Variants in JAG2 observed in about 807,000 individuals in gnomAD.
JAG2 encodes the protein jagged canonical Notch ligand 2.
Under a neutral mutation model 141.7 loss-of-function variants are expected in JAG2, and 46 were observed. That is an observed-to-expected ratio of 0.32 (90% CI 0.26 to 0.42). The LOEUF is 0.42. JAG2 is among the 10% of genes least tolerant of loss of function. JAG2 has a pLI of 1.00. For missense variants in JAG2, 1,500 were observed against 1,817.5 expected (o/e 0.83, Z 3.18); for synonymous variants, 862 against 763.5 (o/e 1.13, Z -2.13).
At chr14:105,143,393 T>TGGCAGGATC (rs368473093) in intron 25 of JAG2, 89 bp downstream of exon 25, 39 of 1,469,268 alleles carry the variant, frequency 2.7e-5, no homozygotes, top group Middle Eastern at 2.3e-4. Flanking sequence ...TCCTGGTGGC[T>TGGCAGGATC]GGCAGGATCG....
intron 5 of JAG2, among the ~76,000 whole-genome samples, chr14:105,152,604 G>A (rs927464007): frequency 2.7e-5 from 4 of 150,292 alleles, no homozygotes; most frequent in East Asian, 2.0e-4. Context: ...CCGGGACCCC[G>A]GGGATGAGAA....
chr14:105,156,572 G>A (rs587627284), intron 3 of JAG2, among the ~76,000 whole-genome samples: 28 of 151,998 alleles, frequency 1.8e-4, no homozygotes, highest in Admixed American at 5.9e-4. Context: ...AAGCCACCAG[G>A]AGACCAGGGG....
chr14:105,163,127 C>T (rs182303894), intron 2 of JAG2, among the ~76,000 whole-genome samples: 1 of 152,340 alleles, frequency 6.6e-6, no homozygotes, highest in East Asian at 1.9e-4. Flanking sequence ...CCGCATCAGC[C>T]TCCCGCCCCC....
rs745952251 is a variant in JAG2 at position 105,142,902 on chromosome 14, G to A, written c.3510C>T (p.Gly1170=). Residue 1170 remains glycine (G), a synonymous_variant, in exon 26 of 26, where the codon GGC becomes GGT. Coordinates refer to ENST00000331782, the MANE Select transcript of JAG2 (RefSeq NM_002226.5). ...CCTCATCCTCCCTGACGGCCGCGTG[G>A]CCGGCCGGCCCGGGCAGCGCCTCGT... ...RADEALPGPA[G]HAAVREDEED... is the part of the protein sequence containing the mutation. 2 of 1,602,384 alleles carry A rather than the reference G, an allele frequency of 1.2e-6. No individual in the cohort carries two copies. The highest frequency in any genetic ancestry group is 2.7e-5 in the African/African-American group (2 of 74,702).
Position 105,148,454 on chromosome 14 carries a change from G to T in JAG2, c.2021-15C>A. On this transcript the variant is annotated splice_polypyrimidine_tract_variant and intron_variant, in intron 15 of 25. Transcript: ENST00000331782. Reference sequence around the variant, plus strand: ...GTCGTTGGGATCTGGGGGCGAGGACGCCGGTCAGCGGGCGGGGGGTCACCG... The same window carrying T: ...GTCGTTGGGATCTGGGGGCGAGGACTCCGGTCAGCGGGCGGGGGGTCACCG... 1.3e-6 allele frequency: 2 copies of T among 1,596,726 alleles called. No homozygotes were observed. The highest frequency in any genetic ancestry group is 2.7e-5 in the African/African-American group (2 of 74,682).
intron 23 of JAG2, among the ~76,000 whole-genome samples, chr14:105,145,325 G>A (rs1041005607): frequency 1.3e-5 from 2 of 152,188 alleles, no homozygotes; most frequent in African/African-American, 2.4e-5. Context: ...GGCAGGGCGG[G>A]GTACAGTGGG....
intron 5 of JAG2, 31 bp from the exon 6 acceptor site, chr14:105,152,322 G>T: frequency 1.2e-6 from 2 of 1,607,828 alleles, no homozygotes; most frequent in Non-Finnish European, 1.7e-6. Context: ...GCAAGACCCA[G>T]TGAGCTGTGG....
At chr14:105,151,835 C>T (rs367930670) in intron 7 of JAG2, 96 bp from the exon 8 acceptor site, 2 of 1,604,662 alleles carry the variant, frequency 1.2e-6, no homozygotes. Flanking sequence ...AGCTGGGGGT[C>T]AGGGGCCCAC....
Position 105,150,846 on chromosome 14 carries a change from C to T in JAG2, c.1428+19G>A, listed in dbSNP as rs1309129922. The stretch of plus-strand genomic sequence containing the variant: ...GCCCCGCAGCACCCACGCCACACAC[C>T]CTCCTGGCCCCGCCTCACCTTGCAG... On this transcript the variant is annotated intron_variant, in intron 11 of 25. Coordinates refer to ENST00000331782, the MANE Select transcript of JAG2 (RefSeq NM_002226.5). 6.3e-7 allele frequency: 1 copy of T among 1,575,498 alleles called. No homozygotes were observed. The highest frequency in any genetic ancestry group is 1.4e-5 in the African/African-American group (1 of 73,886).
chr14:105,145,621 C>A (rs1299721728), intron 23 of JAG2, 110 bp downstream of exon 23: 11 of 1,394,782 alleles, frequency 7.9e-6, no homozygotes, highest in Non-Finnish European at 1.1e-5. Flanking sequence ...AAGAGTGACT[C>A]TGCTCAGCCA....
At chr14:105,163,968 G>A (rs77349183) in intron 2 of JAG2, among the ~76,000 whole-genome samples, 1,523 of 152,114 alleles carry the variant, frequency 0.01, 56 homozygotes, top group Admixed American at 0.077. Context: ...AGCTCAGGCC[G>A]AAGCCTGGCT....
intron 2 of JAG2, 145 bp from the exon 3 acceptor site, chr14:105,157,908 C>T: frequency 1.3e-6 from 1 of 758,792 alleles, no homozygotes; most frequent in Non-Finnish European, 2.3e-6. Flanking sequence ...CACCACCCTC[C>T]TCATCCTCAG....
intron 3 of JAG2, among the ~76,000 whole-genome samples, chr14:105,156,611 T>TA (rs1888591950): frequency 2.6e-5 from 4 of 152,254 alleles, no homozygotes; most frequent in African/African-American, 9.6e-5. Flanking sequence ...CTGGCGCTGG[T>TA]ATGCAAAGTC....
chr14:105,163,966 C>T lies in JAG2; in HGVS notation c.417+3791G>A, dbSNP rs587654309. Among the ~76,000 whole-genome samples, 3 of 152,218 alleles carry T rather than the reference C, an allele frequency of 2.0e-5. No individual in the cohort carries two copies. In the East Asian group the frequency reaches 5.8e-4, roughly 29 times the overall value. On this transcript the variant is annotated intron_variant, in intron 2 of 25. Coordinates refer to ENST00000331782, the MANE Select transcript of JAG2 (RefSeq NM_002226.5). ...ACTCCACCACCAGCAGCAGCTCAGG[C>T]CGAAGCCTGGCTCCACAAGCACCCC...
intron 24 of JAG2, among the ~76,000 whole-genome samples, chr14:105,144,618 C>T (rs1888167355): frequency 6.6e-6 from 1 of 152,224 alleles, no homozygotes. Flanking sequence ...GCAGACTAAG[C>T]CCACGGACTC....
intron 5 of JAG2, among the ~76,000 whole-genome samples, chr14:105,153,450 C>A (rs1043216431): frequency 8.5e-5 from 13 of 152,238 alleles, no homozygotes; most frequent in Admixed American, 7.8e-4. Flanking sequence ...AGAGAGCGGC[C>A]ACAGCCGGGC....
Position 105,144,975 on chromosome 14 carries a change from A to G in JAG2, c.3039T>C (p.Leu1013=). 1.9e-6 allele frequency: 3 copies of G among 1,608,142 alleles called. No homozygotes were observed. The highest frequency in any genetic ancestry group is 2.5e-6 in the Non-Finnish European group (3 of 1,179,452). Residue 1013 remains leucine (L), a synonymous_variant, in exon 24 of 26, where the codon CTT becomes CTC. Transcript: ENST00000331782. ...AVARDRLLVL[L]CDRASSGASA... ...TGGCCCCCGAGGACGCCCGGTCGCA[A>G]AGCAACACCAGCAGGCGGTCCCGTG...
At chr14:105,163,080 C>T (rs1888805073) in intron 2 of JAG2, among the ~76,000 whole-genome samples, 1 of 152,214 alleles carries the variant, frequency 6.6e-6, no homozygotes, top group African/African-American at 2.4e-5. Flanking sequence ...CCTGCTGCCC[C>T]ACCAACGCCC....
intron 25 of JAG2, 27 bp downstream of exon 25, chr14:105,143,455 T>C (rs1566758207): frequency 7.1e-6 from 11 of 1,541,432 alleles, no homozygotes; most frequent in Admixed American, 2.0e-5. Context: ...CCTGGTGCCT[T>C]CCCAGGGGCC....
Sources: allele counts gnomAD v4.1 joint callset (sites outside exome capture counted in the v4.1 genomes callset), GRCh38; gene constraint gnomAD v4.1.1; transcripts MANE v1.5; gene names NCBI Gene and HGNC (gene_info 2026-07-23, HGNC 2026-07-21).